The following CTNNA2 variants were observed in gnomAD, a reference collection of about 807,000 sequenced individuals.
CTNNA2 encodes catenin alpha-2.
A neutral mutation model predicts 101.0 loss-of-function variants in CTNNA2; 42 were observed. That is an observed-to-expected ratio of 0.42 (90% confidence interval 0.32 to 0.54). CTNNA2 has a LOEUF of 0.54. Among genes scored for constraint, CTNNA2 ranks in the 20% least tolerant of loss-of-function variants. The probability of loss-of-function intolerance (pLI) is 0.14; values close to 1 mark genes in which losing one functional copy is unlikely to be tolerated. For missense variants in CTNNA2, 871 were observed against 1,223.1 expected (o/e 0.71, Z 4.29); for synonymous variants, 450 against 456.4 (o/e 0.99, Z 0.18).
chr2:79,305,305 CAT>C (rs1203634488), intron 2 of CTNNA2, among the ~76,000 whole-genome samples: 1 of 147,852 alleles, frequency 6.8e-6, no homozygotes, highest in South Asian at 2.1e-4. Context: ...TATATATATA[CAT>C]ATATATACAC....
intron 7 of CTNNA2, among the ~76,000 whole-genome samples, chr2:80,360,240 A>G (rs770906247): frequency 2.0e-5 from 3 of 152,076 alleles, no homozygotes; most frequent in Non-Finnish European, 4.4e-5. Flanking sequence ...TTGTGCATTG[A>G]GCTATTTCTA....
At chr2:80,244,948 G>A (rs575367477) in intron 7 of CTNNA2, among the ~76,000 whole-genome samples, 13 of 152,248 alleles carry the variant, frequency 8.5e-5, no homozygotes, top group Admixed American at 6.5e-4. Flanking sequence ...CTCTTCACCT[G>A]CCCCAAAAAC....
At chr2:80,328,960 G>A (rs72813636) in intron 7 of CTNNA2, among the ~76,000 whole-genome samples, 5,033 of 152,216 alleles carry the variant, frequency 0.033, 105 homozygotes, top group Non-Finnish European at 0.043. Context: ...ACAGTCTTAT[G>A]GGATTATGGT....
At chr2:79,307,621 T>C (rs1676277603) in intron 2 of CTNNA2, among the ~76,000 whole-genome samples, 1 of 152,218 alleles carries the variant, frequency 6.6e-6, no homozygotes, top group East Asian at 1.9e-4. Flanking sequence ...ACCCATCTGT[T>C]GTTGGACACC....
intron 7 of CTNNA2, chr2:80,029,258 T>C (rs1695135606): frequency 6.6e-6 from 1 of 152,222 alleles, no homozygotes; most frequent in Admixed American, 6.5e-5. Flanking sequence ...AATAGGAAAC[T>C]AGGACTCTGG....
At chr2:80,494,470 T>C (rs1325644789) in intron 9 of CTNNA2, among the ~76,000 whole-genome samples, 8 of 152,136 alleles carry the variant, frequency 5.3e-5, no homozygotes, top group African/African-American at 1.9e-4. Flanking sequence ...TAACCTAGTA[T>C]TAGATGCATG....
chr2:79,455,088 A>G (rs1670800823), intron 4 of CTNNA2, among the ~76,000 whole-genome samples: 1 of 152,188 alleles, frequency 6.6e-6, no homozygotes, highest in Non-Finnish European at 1.5e-5. Context: ...TAAAAAATAA[A>G]GGGGGTGTCT....
intron 3 of CTNNA2, among the ~76,000 whole-genome samples, chr2:79,362,773 C>T (rs1677660369): frequency 1.3e-5 from 2 of 152,174 alleles, no homozygotes; most frequent in African/African-American, 4.8e-5. Context: ...GGCAGCTCTA[C>T]CAGCCTGGAT....
chr2:80,202,415 C>CTACCA (rs1441765441), intron 7 of CTNNA2, among the ~76,000 whole-genome samples: 1 of 152,166 alleles, frequency 6.6e-6, no homozygotes, highest in Non-Finnish European at 1.5e-5. Flanking sequence ...ACAGAAGGAG[C>CTACCA]TACCACTCCA....
At chr2:79,759,439 G>C (rs12618294) in intron 3 of CTNNA2, among the ~76,000 whole-genome samples, 55,769 of 151,772 alleles carry the variant, frequency 0.37, 11,087 homozygotes, top group East Asian at 0.78. Flanking sequence ...CTTATGAATG[G>C]TCACTTTTTC....
intron 9 of CTNNA2, among the ~76,000 whole-genome samples, chr2:80,496,411 T>C (rs1687473750): frequency 6.6e-6 from 1 of 151,750 alleles, no homozygotes; most frequent in Non-Finnish European, 1.5e-5. Flanking sequence ...TTTTTTTTTT[T>C]TTTATCTTAG....
intron 9 of CTNNA2, among the ~76,000 whole-genome samples, chr2:80,527,084 G>A (rs1384055325): frequency 6.6e-6 from 1 of 152,168 alleles, no homozygotes; most frequent in Non-Finnish European, 1.5e-5. Flanking sequence ...TGCTTTTTGT[G>A]TCAAAACACA....
At chr2:79,695,097 A>G (rs1684575711) in intron 2 of CTNNA2, among the ~76,000 whole-genome samples, 1 of 146,410 alleles carries the variant, frequency 6.8e-6, no homozygotes, top group South Asian at 2.1e-4. Flanking sequence ...TTAATGTTAC[A>G]TTTGAAGAAG....
chr2:79,656,698 A>G (rs1463216033), intron 2 of CTNNA2, among the ~76,000 whole-genome samples: 2 of 152,176 alleles, frequency 1.3e-5, no homozygotes, highest in East Asian at 3.9e-4. Flanking sequence ...GAGAAGAGAT[A>G]TTCATCTTAG....
At chr2:79,775,684 A>C (rs1033464043) in intron 3 of CTNNA2, among the ~76,000 whole-genome samples, 2 of 152,160 alleles carry the variant, frequency 1.3e-5, no homozygotes, top group African/African-American at 4.8e-5. Context: ...ATATGGGAAC[A>C]TTAGGCCATT....
At chr2:79,938,924 G>A (rs1424465787) in intron 7 of CTNNA2, among the ~76,000 whole-genome samples, 2 of 152,104 alleles carry the variant, frequency 1.3e-5, no homozygotes, top group Non-Finnish European at 1.5e-5. Flanking sequence ...GGTTCTCTAA[G>A]GCTCTTGCAT....
At chr2:79,953,291 T>C (rs1689010306) in intron 7 of CTNNA2, among the ~76,000 whole-genome samples, 1 of 152,260 alleles carries the variant, frequency 6.6e-6, no homozygotes. Flanking sequence ...GGTTGGAAAT[T>C]ATTTGCATAA....
At chr2:79,548,221 C>T (rs535892316) in intron 1 of CTNNA2, 4 of 152,298 alleles carry the variant, frequency 2.6e-5, no homozygotes, top group Admixed American at 1.3e-4. Flanking sequence ...TCATACTTAA[C>T]GGAAATACTC....
chr2:79,927,641 C>A (rs2104405628), intron 7 of CTNNA2, among the ~76,000 whole-genome samples: 1 of 152,194 alleles, frequency 6.6e-6, no homozygotes, highest in South Asian at 2.1e-4. Context: ...TGATCAAATT[C>A]ATTGACAATA....
Sources: allele counts gnomAD v4.1 joint callset (sites outside exome capture counted in the v4.1 genomes callset), GRCh38; gene constraint gnomAD v4.1.1; transcripts MANE v1.5; gene names NCBI Gene and HGNC (gene_info 2026-07-23, HGNC 2026-07-21).